The following ACTL8 variants were observed in gnomAD, a reference collection of about 807,000 sequenced individuals.
The protein encoded by ACTL8 is actin-like protein 8.
Under a neutral mutation model 9.3 loss-of-function variants are expected in ACTL8, and 3 were observed. That is an observed-to-expected ratio of 0.32 (90% CI 0.15 to 0.83). The LOEUF (loss-of-function observed/expected upper bound fraction) is 0.83. Ranked by LOEUF, ACTL8 falls within the 40% of genes least tolerant of loss-of-function variation. The pLI is 0.57. For synonymous variants in ACTL8, 224 were observed against 205.9 expected (o/e 1.09, Z -0.75); for missense variants, 381 against 492.2 (o/e 0.77, Z 2.14).
intron 1 of ACTL8, among the ~76,000 whole-genome samples, chr1:17,802,443 G>C (rs1007195775): frequency 6.6e-6 from 1 of 151,916 alleles, no homozygotes; most frequent in African/African-American, 2.4e-5. Flanking sequence ...GTGTGTGTGT[G>C]TGTGTGTGTT....
intron 1 of ACTL8, among the ~76,000 whole-genome samples, chr1:17,808,638 C>G (rs2066374820): frequency 6.6e-6 from 1 of 152,196 alleles, no homozygotes; most frequent in Admixed American, 6.5e-5. Context: ...TGAGAAGTAT[C>G]ATACCCAGTG....
intron 1 of ACTL8, among the ~76,000 whole-genome samples, chr1:17,798,646 G>T (rs1187485903): frequency 6.6e-6 from 1 of 152,186 alleles, no homozygotes; most frequent in Non-Finnish European, 1.5e-5. Context: ...TTCCAAACAT[G>T]CTTTTCAAAA....
intron 1 of ACTL8, among the ~76,000 whole-genome samples, chr1:17,797,953 A>T (rs568037499): frequency 6.6e-6 from 1 of 152,154 alleles, no homozygotes; most frequent in Non-Finnish European, 1.5e-5. Flanking sequence ...GAGCAGGATC[A>T]TTGAGAAACT....
chr1:17,824,991 G>A (rs571291676), intron 2 of ACTL8, among the ~76,000 whole-genome samples: 79 of 152,006 alleles, frequency 5.2e-4, no homozygotes, highest in Non-Finnish European at 1.1e-3. Flanking sequence ...GTAAGTGGCT[G>A]GGACCACAGA....
rs146234586 is a variant in ACTL8, at chr1:17,774,397, G to A, written c.-25+18893G>A. Among the ~76,000 whole-genome samples the A allele has an allele frequency of 2.2e-3, 335 of 152,088 alleles. 8 individuals are homozygous for A. In the East Asian group the frequency reaches 0.054, roughly 25 times the overall value. On this transcript the variant is annotated intron_variant, in intron 1 of 2. Transcript: ENST00000375406. ...CATAGTAGGTGCTCCGTAAATATCA[G>A]CCCCACGTGGAGCTTACAGTATGTC...
At chr1:17,817,170 G>T (rs2066431389) in intron 1 of ACTL8, among the ~76,000 whole-genome samples, 1 of 151,034 alleles carries the variant, frequency 6.6e-6, no homozygotes. Context: ...AGAAGCCTGT[G>T]GTAATGTACC....
At chr1:17,791,175 C>T (rs375436569) in intron 1 of ACTL8, among the ~76,000 whole-genome samples, 22 of 152,230 alleles carry the variant, frequency 1.4e-4, no homozygotes, top group African/African-American at 5.1e-4. Flanking sequence ...ACAGCTGCAG[C>T]GGCACCCAGG....
chr1:17,782,536 C>T (rs956789549), intron 1 of ACTL8, among the ~76,000 whole-genome samples: 1 of 152,182 alleles, frequency 6.6e-6, no homozygotes, highest in African/African-American at 2.4e-5. Flanking sequence ...ACCTTCTTCT[C>T]TGTATTTTAT....
rs147498469 is a variant in ACTL8 at position 17,819,985 on chromosome 1, C to T, written c.-24-3000C>T. Among the ~76,000 whole-genome samples, 460 of 151,732 alleles carry T rather than the reference C, an allele frequency of 3.0e-3. 3 individuals are homozygous for T. Among genetic ancestry groups the T allele is most frequent in the African/African-American group, 0.011 (434 of 41,318 alleles). ...GATCGTGCCACTGCCCTCCAGCCTG[C>T]GCAAGAGCGAGATCCTGTCTCAAAA... On this transcript the variant is annotated intron_variant, in intron 1 of 2. Transcript: ENST00000375406.
Position 17,788,000 on chromosome 1 carries a change from G to C in ACTL8, c.-25+32496G>C, listed in dbSNP as rs372500207. On this transcript the variant is annotated intron_variant, in intron 1 of 2. Coordinates refer to ENST00000375406, the MANE Select transcript of ACTL8 (RefSeq NM_030812.3). ...CCATTTTCATTTCCCTGACAAGCAGGGGGGCTGAGCAGCCTTTCATCTGTT... is the reference window on the plus strand; with the variant it reads ...CCATTTTCATTTCCCTGACAAGCAGCGGGGCTGAGCAGCCTTTCATCTGTT... 1.7e-4 allele frequency among the ~76,000 whole-genome samples: 26 copies of C among 152,324 alleles called. No homozygotes were observed. The East Asian group carries it at 2.9e-3, about 17-fold the overall frequency.
intron 1 of ACTL8, among the ~76,000 whole-genome samples, chr1:17,807,156 G>A (rs1434237604): frequency 6.6e-6 from 1 of 152,192 alleles, no homozygotes; most frequent in Non-Finnish European, 1.5e-5. Context: ...GATAATCCAG[G>A]ATAATCTTTG....
intron 1 of ACTL8, among the ~76,000 whole-genome samples, chr1:17,781,022 C>A (rs1389704894): frequency 6.6e-6 from 1 of 152,096 alleles, no homozygotes; most frequent in African/African-American, 2.4e-5. Context: ...AGTCTGAGAT[C>A]GGTCAGCAGA....
At chr1:17,775,095 G>A (rs1255218744) in intron 1 of ACTL8, among the ~76,000 whole-genome samples, 2 of 152,210 alleles carry the variant, frequency 1.3e-5, no homozygotes, top group Admixed American at 6.5e-5. Flanking sequence ...CAGCTGCCCT[G>A]TCTGTACTCT....
At chr1:17,762,475 T>C (rs951262805) in intron 1 of ACTL8, among the ~76,000 whole-genome samples, 6 of 152,042 alleles carry the variant, frequency 3.9e-5, no homozygotes, top group Non-Finnish European at 5.9e-5. Flanking sequence ...GTTAAAAGGC[T>C]CACACCTGGG....
chr1:17,789,594 C>T (rs894326140), intron 1 of ACTL8, among the ~76,000 whole-genome samples: 3 of 151,806 alleles, frequency 2.0e-5, no homozygotes, highest in Non-Finnish European at 4.4e-5. Flanking sequence ...AGTTGGGGAG[C>T]GTAATGAGTG....
intron 1 of ACTL8, among the ~76,000 whole-genome samples, chr1:17,812,188 C>T (rs761468923): frequency 1.3e-5 from 2 of 151,860 alleles, no homozygotes; most frequent in East Asian, 1.9e-4. Flanking sequence ...TTATAGTGGG[C>T]CTTGAAATCA....
Position 17,793,604 on chromosome 1 carries a change from C to T in ACTL8, c.-24-29381C>T, listed in dbSNP as rs1457392946. On this transcript the variant is annotated intron_variant, in intron 1 of 2. Transcript: ENST00000375406. ...TAAAGCACTCTAAACCCTTCCCCTA[C>T]AGCTTTTCCAGGCTGCTCCAGGAGT... 2.6e-5 allele frequency among the ~76,000 whole-genome samples: 4 copies of T among 152,178 alleles called. No individual in the cohort carries two copies. In the East Asian group the frequency reaches 7.7e-4, roughly 29 times the overall value.
At chr1:17,788,272 A>C (rs989045246) in intron 1 of ACTL8, among the ~76,000 whole-genome samples, 2 of 152,248 alleles carry the variant, frequency 1.3e-5, no homozygotes, top group Non-Finnish European at 2.9e-5. Context: ...CTTCTTCTGC[A>C]GTCTCTGGGT....
At chr1:17,764,485 C>G (rs1291802920) in intron 1 of ACTL8, among the ~76,000 whole-genome samples, 1 of 152,152 alleles carries the variant, frequency 6.6e-6, no homozygotes, top group East Asian at 1.9e-4. Flanking sequence ...GTCAGGAATG[C>G]TACGAGGTTC....
Sources: allele counts gnomAD v4.1 joint callset (sites outside exome capture counted in the v4.1 genomes callset), GRCh38; gene constraint gnomAD v4.1.1; transcripts MANE v1.5; gene names NCBI Gene and HGNC (gene_info 2026-07-23, HGNC 2026-07-21).